Variants in CHD2 observed in about 807,000 individuals in gnomAD.
CHD2 encodes ATP-dependent chromatin remodeler CHD2.
A neutral mutation model predicts 243.9 loss-of-function variants in CHD2; 28 were observed. The ratio of observed to expected loss-of-function variants is 0.11; its 90% CI spans 0.09 to 0.16. The LOEUF (loss-of-function observed/expected upper bound fraction) is 0.16, where lower values mean the gene tolerates loss of function less well. CHD2 is among the 10% of genes least tolerant of loss of function. The pLI is 1.00. For missense variants in CHD2, 1,386 were observed against 2,209.8 expected (o/e 0.63, Z 7.47); for synonymous variants, 775 against 779.0 (o/e 0.99, Z 0.09).
rs115316745 is a variant in CHD2 at position 92,997,892 on chromosome 15, A to G, written c.3885+489A>G. The G allele has an allele frequency of 2.9e-3, 447 of 155,912 alleles. 1 individual carries two copies. Among genetic ancestry groups the G allele is most frequent in the African/African-American group, 8.7e-3 (360 of 41,578 alleles). 9.7% of individuals were successfully genotyped at this position (155,912 alleles called of 1,614,324 possible). A position where few individuals can be genotyped will look rare whatever the true frequency, so the allele number is the denominator to read the frequency against. ...TTGCAAGTAGCAAGGCCATGGTTGG[A>G]GCTATAAGCAGGGAAGGCTGACTGG... On this transcript the variant is annotated intron_variant, in intron 30 of 38. Transcript: ENST00000394196. This position sits in a 1 kb window ranked among gnomAD's most constrained non-coding sequence, Gnocchi z 4.1.
At position 93,026,506 on chromosome 15, in the gene CHD2, C is replaced by T. The variant is rs1375588767; in HGVS notation, c.*1801C>T. The stretch of plus-strand genomic sequence containing the variant: ...TGTGTTGAGAGCTCAGTGGACCCAC[C>T]CCGCTTGCTGAACCCTCACAGTTCT... On this transcript the variant is annotated 3_prime_UTR_variant, in exon 39 of 39. Coordinates refer to ENST00000394196, the MANE Select transcript of CHD2 (RefSeq NM_001271.4). 1 of 152,286 alleles carries T rather than the reference C, an allele frequency of 6.6e-6. No homozygotes were observed. Among genetic ancestry groups the T allele is most frequent in the African/African-American group, 2.4e-5 (1 of 41,466 alleles). 9.4% of individuals were successfully genotyped at this position (152,286 alleles called of 1,614,324 possible). A position where few individuals can be genotyped will look rare whatever the true frequency, so the allele number is the denominator to read the frequency against.
At position 93,009,277 on chromosome 15, in the gene CHD2, T is replaced by A. The variant is rs754832773; in HGVS notation, c.4546T>A (p.Cys1516Ser). The part of the protein sequence containing the change: ...LLKIGDRIAE[C>S]LKAYSDQEHI... ...GAAAATCGGAGACCGGATAGCCGAG[T>A]GCCTTAAAGCCTACTCAGATCAGGA... The change falls in exon 35 of 39, where the codon TGC (cysteine) becomes AGC (serine). Residue 1516 changes from cysteine to serine, a missense_variant. Cys to Ser is a moderately radical substitution (Grantham distance 112). This residue lies in a region of CHD2 where 42 missense variants were observed against 47.6 expected (regional missense o/e 0.88). Transcript: ENST00000394196. 2 of 1,614,026 alleles carry A rather than the reference T, an allele frequency of 1.2e-6. No individual in the cohort carries two copies. Among genetic ancestry groups the A allele is most frequent in the African/African-American group, 2.7e-5 (2 of 74,902 alleles).
chr15:92,904,354 G>A (rs1358600776), intron 2 of CHD2: 5 of 759,018 alleles, frequency 6.6e-6, no homozygotes, highest in Middle Eastern at 5.8e-4. Context: ...CAGGGTCAAC[G>A]GCGGCGCCTT....
Position 93,024,616 on chromosome 15 carries a change from A to G in CHD2, c.5398A>G (p.Lys1800Glu). Residue 1800 changes from lysine to glutamate, a missense_variant, in exon 39 of 39, where the codon AAG becomes GAG. By Grantham distance (56) the Lys-to-Glu change is moderately conservative (BLOSUM62 1). Transcript: ENST00000394196. Reference protein sequence around the residue: ...PPSQKSPHDSKSPLDHRSPLE... With the variant: ...PPSQKSPHDSESPLDHRSPLE... ...TTCTCAGAAATCTCCTCACGATTCC[A>G]AGTCACCCCTGGATCATAGGTCTCC... 1 of 1,614,214 alleles carries G rather than the reference A, an allele frequency of 6.2e-7. No homozygotes were observed. The highest frequency in any genetic ancestry group is 8.5e-7 in the Non-Finnish European group (1 of 1,180,032).
intron 27 of CHD2, 146 bp from the exon 28 acceptor site, chr15:92,992,713 T>C: frequency 1.2e-6 from 1 of 865,922 alleles, no homozygotes; most frequent in Non-Finnish European, 1.7e-6. Flanking sequence ...CAGGGGTTCT[T>C]GTTGGAGCCT....
chr15:92,996,841 A>G, intron 28 of CHD2, 116 bp from the exon 29 acceptor site: 1 of 1,002,866 alleles, frequency 1.0e-6, no homozygotes, highest in Non-Finnish European at 1.4e-6. Flanking sequence ...TCTTCAAAAT[A>G]ACAATAAGCC....
intron 28 of CHD2, 143 bp from the exon 29 acceptor site, chr15:92,996,814 T>A (rs1217864369): frequency 2.3e-5 from 17 of 724,834 alleles, no homozygotes; most frequent in Non-Finnish European, 3.1e-5. Context: ...AGAAAAAAAT[T>A]TGTCTTATAG....
chr15:93,018,799 C>T (rs1012741312), intron 37 of CHD2, among the ~76,000 whole-genome samples: 1 of 151,796 alleles, frequency 6.6e-6, no homozygotes, highest in Non-Finnish European at 1.5e-5. Flanking sequence ...GTCATAGCTC[C>T]CTCTGCCTTT....
In CHD2 at chr15:93,020,009, C is replaced by T; in HGVS notation, c.4907-3C>T. 1 of 1,605,742 alleles carries T rather than the reference C, an allele frequency of 6.2e-7. No individual in the cohort carries two copies. Among genetic ancestry groups the T allele is most frequent in the Non-Finnish European group, 8.5e-7 (1 of 1,173,768 alleles). On this transcript the variant is annotated splice_polypyrimidine_tract_variant and splice_region_variant and intron_variant, in intron 37 of 38. Coordinates refer to ENST00000394196, the MANE Select transcript of CHD2 (RefSeq NM_001271.4). ...CATCAGATCATTCTTTCTTTTCCTG[C>T]AGATCGAGGAGACTGGCAGAGGGAA...
chr15:92,965,068 T>C (rs904167547), intron 16 of CHD2, among the ~76,000 whole-genome samples: 1 of 152,188 alleles, frequency 6.6e-6, no homozygotes, highest in Non-Finnish European at 1.5e-5. Flanking sequence ...TGCAAAGCTA[T>C]AAAGATCAGA....
At chr15:93,000,177 A>G (rs1327917005) in intron 31 of CHD2, among the ~76,000 whole-genome samples, 1 of 152,128 alleles carries the variant, frequency 6.6e-6, no homozygotes, top group Non-Finnish European at 1.5e-5. Context: ...GAGGCAGGAG[A>G]ATCGCTTGAA....
chr15:92,949,092 T>C lies in CHD2; in HGVS notation c.1502+16T>C. Reference sequence around the variant, plus strand: ...CCTGGTGCAAGTAGGTAGAAAAATATGAGTGCAATTTTCCTTACTGTTTCT... The same window carrying C: ...CCTGGTGCAAGTAGGTAGAAAAATACGAGTGCAATTTTCCTTACTGTTTCT... On this transcript the variant is annotated intron_variant, in intron 13 of 38. Transcript: ENST00000394196. The C allele has an allele frequency of 1.2e-6, 2 of 1,606,402 alleles. No homozygotes were observed. The highest frequency in any genetic ancestry group is 8.5e-7 in the Non-Finnish European group (1 of 1,178,278).
intron 2 of CHD2, chr15:92,901,572 CAGTTTTT>C: frequency 4.4e-6 from 2 of 453,878 alleles, no homozygotes; most frequent in South Asian, 5.6e-5. Flanking sequence ...CTGTAATGTA[CAGTTTTT>C]CTGTCAGTAA....
chr15:93,008,083 C>T (rs2054344288), intron 34 of CHD2, among the ~76,000 whole-genome samples: 1 of 152,196 alleles, frequency 6.6e-6, no homozygotes, highest in African/African-American at 2.4e-5. Context: ...AAACTTCTGA[C>T]AGATAGTCAG....
chr15:92,965,809 T>C (rs2053754335), intron 16 of CHD2, among the ~76,000 whole-genome samples: 1 of 152,112 alleles, frequency 6.6e-6, no homozygotes, highest in Admixed American at 6.5e-5. Flanking sequence ...TGAAAATATT[T>C]GTTGCTTAAA....
Position 92,997,226 on chromosome 15 carries a change from GT to G in CHD2, c.3735-26del. 1 of 1,613,658 alleles carries G rather than the reference GT, an allele frequency of 6.2e-7. No homozygotes were observed. Among genetic ancestry groups the G allele is most frequent in the Non-Finnish European group, 8.5e-7 (1 of 1,179,884 alleles). On this transcript the variant is annotated intron_variant, in intron 29 of 38. Coordinates refer to ENST00000394196, the MANE Select transcript of CHD2 (RefSeq NM_001271.4). This position sits in a 1 kb window ranked among gnomAD's most constrained non-coding sequence, Gnocchi z 4.1. The stretch of plus-strand genomic sequence containing the variant: ...ATACCAAAAAGGCCCCTCTTCTAAT[GT>G]CTTCCTGTTTTTAAACTTTCTTTAG...
At chr15:92,963,003 G>A (rs1025431585) in intron 16 of CHD2, among the ~76,000 whole-genome samples, 10 of 151,982 alleles carry the variant, frequency 6.6e-5, no homozygotes, top group African/African-American at 2.4e-4. Flanking sequence ...TCCATCATTC[G>A]AACTGGTTAC....
chr15:92,973,020 A>T (rs1006346091), intron 19 of CHD2, among the ~76,000 whole-genome samples: 1 of 152,202 alleles, frequency 6.6e-6, no homozygotes, highest in African/African-American at 2.4e-5. Flanking sequence ...GTCAGATGGC[A>T]TCTTATTGCA....
intron 35 of CHD2, among the ~76,000 whole-genome samples, chr15:93,011,021 T>C (rs929831574): frequency 6.6e-6 from 1 of 152,196 alleles, no homozygotes; most frequent in Non-Finnish European, 1.5e-5. Context: ...TGGTACTTTT[T>C]TTTCCGCTTA....
Sources: gnomAD v4.1 joint callset for allele counts (sites outside exome capture counted in the v4.1 genomes callset) on GRCh38, gnomAD v4.1.1 for gene constraint, gnomAD v4.1.1 regional missense constraint, Gnocchi (gnomAD v3.1) non-coding constraint, MANE v1.5 for transcripts, NCBI Gene and HGNC (gene_info 2026-07-23, HGNC 2026-07-21) for gene names.